CD38: variants seen among roughly 807,000 people sequenced by gnomAD.
CD38 encodes CD38 molecule.
A neutral mutation model predicts 36.3 loss-of-function variants in CD38; 31 were observed. The ratio of observed to expected loss-of-function variants is 0.85; its 90% CI spans 0.64 to 1.15. CD38 has a LOEUF of 1.15. CD38 is among the 50% of genes most tolerant of loss of function. CD38 has a pLI of 0.00. For synonymous variants in CD38, 131 were observed against 135.2 expected, an observed-to-expected ratio of 0.97 and a Z score of 0.22; for missense variants, 380 against 371.9, an observed-to-expected ratio of 1.02 and a Z score of -0.18.
chr4:15,819,595 G>A (rs1056546922), intron 2 of CD38, among the ~76,000 whole-genome samples: 1 of 152,068 alleles, frequency 6.6e-6, no homozygotes, highest in Non-Finnish European at 1.5e-5. Context: ...AGAACTTCAA[G>A]ATGTAAACAC....
chr4:15,804,723 C>G (rs376813093), intron 1 of CD38, among the ~76,000 whole-genome samples: 1 of 152,078 alleles, frequency 6.6e-6, no homozygotes, highest in East Asian at 1.9e-4. Flanking sequence ...AAAAGTTGAT[C>G]TCAGAGAAGT....
chr4:15,848,432 G>C, intron 7 of CD38, 107 bp from the exon 8 acceptor site: 1 of 720,860 alleles, frequency 1.4e-6, no homozygotes, highest in Non-Finnish European at 2.5e-6. Flanking sequence ...ATGCTAAGTG[G>C]TCTGTGCACC....
chr4:15,836,613 CTAA>C (rs1724074381), intron 4 of CD38, among the ~76,000 whole-genome samples: 1 of 152,192 alleles, frequency 6.6e-6, no homozygotes, highest in Admixed American at 6.5e-5. Context: ...GTTCCCTGGG[CTAA>C]TAAGTTACAG....
At chr4:15,817,136 A>G (rs907464521) in intron 2 of CD38, among the ~76,000 whole-genome samples, 1 of 152,148 alleles carries the variant, frequency 6.6e-6, no homozygotes, top group Non-Finnish European at 1.5e-5. Flanking sequence ...CAGCATCCCA[A>G]TTTCACCAGT....
At chr4:15,825,135 C>T (rs1723821084) in intron 3 of CD38, 119 bp downstream of exon 3, 1 of 897,074 alleles carries the variant, frequency 1.1e-6, no homozygotes, top group East Asian at 2.7e-5. Context: ...ATCCTGATGC[C>T]ATCTATACTT....
intron 1 of CD38, among the ~76,000 whole-genome samples, chr4:15,797,841 C>T (rs186594572): frequency 1.4e-4 from 22 of 152,156 alleles, no homozygotes; most frequent in East Asian, 1.2e-3. Flanking sequence ...AGGACCCAGT[C>T]GTATGGGATT....
intron 3 of CD38, among the ~76,000 whole-genome samples, chr4:15,833,238 C>T (rs1723993561): frequency 6.6e-6 from 1 of 152,186 alleles, no homozygotes; most frequent in Non-Finnish European, 1.5e-5. Flanking sequence ...TACCTGAAGC[C>T]AGCAAGTCAC....
At chr4:15,840,172 G>C in intron 6 of CD38, 54 bp downstream of exon 6, 1 of 1,282,798 alleles carries the variant, frequency 7.8e-7, no homozygotes, top group Non-Finnish European at 1.1e-6. Context: ...GTCCACAAAA[G>C]AATCCACAGT....
At chr4:15,832,393 G>T (rs1723976920) in intron 3 of CD38, among the ~76,000 whole-genome samples, 1 of 151,906 alleles carries the variant, frequency 6.6e-6, no homozygotes, top group African/African-American at 2.4e-5. Context: ...GTTTGTACTT[G>T]TCCTTGGAAA....
rs1380238502 is a variant in CD38 at position 15,849,400 on chromosome 4, C to G, written c.*798C>G. 6.6e-6 allele frequency: 1 copy of G among 152,184 alleles called. No homozygotes were observed. Among genetic ancestry groups the G allele is most frequent in the Non-Finnish European group, 1.5e-5 (1 of 68,020 alleles). 9.4% of individuals were successfully genotyped at this position (152,184 alleles called of 1,614,324 possible). A position where few individuals can be genotyped will look rare whatever the true frequency, so the allele number is the denominator to read the frequency against. On this transcript the variant is annotated 3_prime_UTR_variant, in exon 8 of 8. Coordinates refer to ENST00000226279, the MANE Select transcript of CD38 (RefSeq NM_001775.4). ...ATTCATGTGCTTTTTCCTTCTAGGC[C>G]TTTCATACCAAACTAATAGTAGTTT...
At chr4:15,791,447 C>A (rs1577636685) in intron 1 of CD38, among the ~76,000 whole-genome samples, 1 of 30,082 alleles carries the variant, frequency 3.3e-5, no homozygotes, top group Non-Finnish European at 5.7e-5. Context: ...ACCCCTCTGC[C>A]CGGCCAGCCG....
At chr4:15,801,402 A>G (rs868726926) in intron 1 of CD38, among the ~76,000 whole-genome samples, 1 of 152,176 alleles carries the variant, frequency 6.6e-6, no homozygotes, top group Non-Finnish European at 1.5e-5. Context: ...AACTATTCCA[A>G]AAAATTGAAG....
At chr4:15,787,428 C>T (rs912032328) in intron 1 of CD38, among the ~76,000 whole-genome samples, 1 of 152,208 alleles carries the variant, frequency 6.6e-6, no homozygotes, top group Non-Finnish European at 1.5e-5. Context: ...CTTCCTCCAC[C>T]TGCCATGCTG....
intron 1 of CD38, among the ~76,000 whole-genome samples, chr4:15,806,494 G>A (rs572274359): frequency 6.6e-6 from 1 of 152,298 alleles, no homozygotes; most frequent in Non-Finnish European, 1.5e-5. Context: ...CCCCGCCCAT[G>A]GACTAGTATG....
At chr4:15,824,062 C>T (rs939911249) in intron 2 of CD38, among the ~76,000 whole-genome samples, 4 of 152,036 alleles carry the variant, frequency 2.6e-5, no homozygotes, top group Non-Finnish European at 5.9e-5. Context: ...CATGCAAATG[C>T]TGCATGTTCT....
At chr4:15,803,324 A>G (rs1470709747) in intron 1 of CD38, among the ~76,000 whole-genome samples, 3 of 152,244 alleles carry the variant, frequency 2.0e-5, no homozygotes, top group Non-Finnish European at 4.4e-5. Context: ...AAAGTAAACA[A>G]TCAACAGAGT....
At chr4:15,804,294 C>G (rs534364256) in intron 1 of CD38, among the ~76,000 whole-genome samples, 1 of 152,038 alleles carries the variant, frequency 6.6e-6, no homozygotes, top group Non-Finnish European at 1.5e-5. Flanking sequence ...AGTGTATAAG[C>G]GACAAAGAAA....
chr4:15,827,413 C>A (rs1723871920), intron 3 of CD38, among the ~76,000 whole-genome samples: 1 of 152,066 alleles, frequency 6.6e-6, no homozygotes, highest in South Asian at 2.1e-4. Flanking sequence ...CTTAGAGAAG[C>A]ATTCTTCTGT....
chr4:15,802,395 T>C (rs1723245681), intron 1 of CD38, among the ~76,000 whole-genome samples: 1 of 152,104 alleles, frequency 6.6e-6, no homozygotes, highest in Admixed American at 6.5e-5. Context: ...GCAATCTCTA[T>C]CGAATTTTCA....
Sources: allele counts gnomAD v4.1 joint callset (sites outside exome capture counted in the v4.1 genomes callset), GRCh38; gene constraint gnomAD v4.1.1; transcripts MANE v1.5; gene names NCBI Gene and HGNC (gene_info 2026-07-23, HGNC 2026-07-21).